The following CUX1 variants were observed in gnomAD, a reference collection of about 807,000 sequenced individuals.
The protein encoded by CUX1 is cut like homeobox 1.
CUX1 carries 31 observed loss-of-function variants against 158.8 expected under a neutral mutation model. The ratio of observed to expected loss-of-function variants is 0.20; its 90% CI spans 0.15 to 0.26. CUX1 has a LOEUF of 0.26. Ranked by LOEUF, CUX1 falls within the 10% of genes least tolerant of loss-of-function variation. CUX1 has a pLI of 1.00. For missense variants in CUX1, 1,589 were observed against 2,014.6 expected (o/e 0.79, Z 4.04); for synonymous variants, 879 against 862.1 (o/e 1.02, Z -0.34).
At chr7:101,980,701 G>C (rs116564578) in intron 2 of CUX1, among the ~76,000 whole-genome samples, 3,360 of 152,186 alleles carry the variant, frequency 0.022, 119 homozygotes, top group African/African-American at 0.072. Context: ...CTCTAGGCCA[G>C]CTTGTAACTG....
At chr7:102,026,981 G>A (rs1820111584) in intron 2 of CUX1, among the ~76,000 whole-genome samples, 1 of 152,070 alleles carries the variant, frequency 6.6e-6, no homozygotes, top group African/African-American at 2.4e-5. Context: ...GCACCTATGG[G>A]ATGTCCTGGT....
intron 2 of CUX1, among the ~76,000 whole-genome samples, chr7:102,026,065 G>C (rs1461765567): frequency 6.6e-6 from 1 of 152,178 alleles, no homozygotes; most frequent in Non-Finnish European, 1.5e-5. Context: ...TGTAGTCCCA[G>C]CTACTTGGGA....
intron 1 of CUX1, among the ~76,000 whole-genome samples, chr7:101,854,123 C>A (rs1342986000): frequency 6.6e-6 from 1 of 152,162 alleles, no homozygotes; most frequent in Non-Finnish European, 1.5e-5. Flanking sequence ...TTATACCTTT[C>A]TGTTCCAAAG....
intron 1 of CUX1, among the ~76,000 whole-genome samples, chr7:101,879,434 A>C (rs1263201807): frequency 6.6e-6 from 1 of 152,206 alleles, no homozygotes; most frequent in Non-Finnish European, 1.5e-5. Flanking sequence ...TAGCTCTTTA[A>C]AATAATGCAA....
rs66627422 is a variant in CUX1, at chr7:102,211,778, TAAAAAAAAA to T, written c.3130+6625_3130+6633del. Among the ~76,000 whole-genome samples, 199 of 77,482 alleles carry T rather than the reference TAAAAAAAAA, an allele frequency of 2.6e-3. 2 individuals carry two copies. Among genetic ancestry groups the T allele is most frequent in the African/African-American group, 8.4e-3 (179 of 21,398 alleles). 50.8% of individuals were successfully genotyped at this position (77,482 alleles called of 152,430 possible). The stretch of plus-strand genomic sequence containing the variant: ...AGGGTGACAAGAGTGAAACTCCATC[TAAAAAAAAA>T]AAAAAAAAAAAAAAAACTCAACCTG... On this transcript the variant is annotated intron_variant, in intron 20 of 23. Transcript: ENST00000292535.
chr7:102,036,193 C>T (rs185873384), intron 3 of CUX1, among the ~76,000 whole-genome samples: 6 of 152,028 alleles, frequency 3.9e-5, no homozygotes, highest in African/African-American at 9.6e-5. Flanking sequence ...TGACCTCAGG[C>T]GATCAGACTG....
Position 102,189,869 on chromosome 7 carries a change from G to A in CUX1, c.1074G>A (p.Leu358=), listed in dbSNP as rs1554516489. The A allele has an allele frequency of 6.2e-7, 1 of 1,614,250 alleles. No individual in the cohort carries two copies. The highest frequency in any genetic ancestry group is 1.1e-5 in the South Asian group (1 of 91,084). Residue 358 remains leucine (L), a splice_region_variant and synonymous_variant, in exon 12 of 24, where the codon CTG becomes CTA. Coordinates refer to ENST00000292535, the MANE Select transcript of CUX1 (RefSeq NM_181552.4). ...QADYEEVKKE[L]NILKSMEFAP... is the part of the protein sequence containing the mutation. ...ACTATGAAGAGGTGAAGAAAGAGCT[G>A]AAGTAAGTACGGAGAGCCCTGTGGC... is the stretch of plus-strand genomic sequence containing the variant.
chr7:102,200,283 C>T, intron 17 of CUX1, 111 bp downstream of exon 17: 1 of 806,624 alleles, frequency 1.2e-6, no homozygotes, highest in Non-Finnish European at 1.9e-6. Context: ...TAATGAATGC[C>T]TGTTCTCAAG....
chr7:102,190,697 C>G (rs1794180131), intron 12 of CUX1, among the ~76,000 whole-genome samples: 2 of 152,202 alleles, frequency 1.3e-5, no homozygotes, highest in South Asian at 4.1e-4. Context: ...GCGGCTGGAG[C>G]TCTGCTGGTT....
chr7:101,917,357 A>G (rs2970494), intron 2 of CUX1, among the ~76,000 whole-genome samples: 130,546 of 152,260 alleles, frequency 0.86, 56,447 homozygotes, highest in African/African-American at 0.94. Context: ...TAAATATTTT[A>G]GGAGAAAGCT....
chr7:102,238,646 G>A (rs373503674), intron 22 of CUX1, among the ~76,000 whole-genome samples: 7 of 152,090 alleles, frequency 4.6e-5, no homozygotes, highest in South Asian at 2.1e-4. Context: ...GTGGCTTGCC[G>A]CCCACACCCA....
intron 8 of CUX1, among the ~76,000 whole-genome samples, chr7:102,148,691 TTATATA>T (rs1180566580): frequency 1.1e-4 from 16 of 148,102 alleles, no homozygotes; most frequent in African/African-American, 3.9e-4. Context: ...AATGTATGTG[TTATATA>T]TATATAATAT....
intron 2 of CUX1, among the ~76,000 whole-genome samples, chr7:102,014,659 G>A (rs1251468498): frequency 6.6e-6 from 1 of 152,002 alleles, no homozygotes; most frequent in Admixed American, 6.6e-5. Context: ...TGCTAGGTTG[G>A]GATAATCCGT....
At chr7:102,275,612 C>T (rs1791548143) in intron 17 of CUX1, among the ~76,000 whole-genome samples, 1 of 152,100 alleles carries the variant, frequency 6.6e-6, no homozygotes, top group Admixed American at 6.6e-5. Context: ...CCAGGTGAAA[C>T]AAGTCGCCAG....
At chr7:102,238,060 C>T (rs938372980) in intron 22 of CUX1, among the ~76,000 whole-genome samples, 1 of 152,166 alleles carries the variant, frequency 6.6e-6, no homozygotes, top group African/African-American at 2.4e-5. Flanking sequence ...AACATGAAGG[C>T]AGACTAGGAG....
chr7:102,129,295 G>C (rs978945412), intron 8 of CUX1, among the ~76,000 whole-genome samples: 1 of 152,128 alleles, frequency 6.6e-6, no homozygotes, highest in Admixed American at 6.6e-5. Flanking sequence ...ATCTGCATCA[G>C]TCACCATTGA....
chr7:102,204,268 G>A, intron 18 of CUX1, 123 bp from the exon 19 acceptor site: 1 of 1,270,554 alleles, frequency 7.9e-7, no homozygotes, highest in Non-Finnish European at 1.1e-6. Context: ...CCAGGCCGTG[G>A]TTCTGTGCTC....
intron 1 of CUX1, among the ~76,000 whole-genome samples, chr7:101,836,296 G>C (rs1377178399): frequency 1.3e-5 from 2 of 152,096 alleles, no homozygotes; most frequent in Non-Finnish European, 2.9e-5. Flanking sequence ...TGGGGTGCAG[G>C]TGCTCCCCTG....
chr7:102,111,721 C>T lies in CUX1; in HGVS notation c.554C>T (p.Ser185Phe). The T allele has an allele frequency of 6.2e-7, 1 of 1,614,184 alleles. No individual in the cohort carries two copies. Among genetic ancestry groups the T allele is most frequent in the East Asian group, 2.2e-5 (1 of 44,878 alleles). ...AGAAAGCTGCAGGAGACACAGATGT[C>T]CACCACCTCAAAGCTGGAGGAAGCT... ...KERKLQETQMSTTSKLEEAEH... is the reference protein window; with the variant it reads ...KERKLQETQMFTTSKLEEAEH... The change falls in exon 7 of 24, where the codon TCC becomes TTC. Residue 185 changes from serine (S) to phenylalanine (F), a missense_variant. Around this residue, in one of 8 missense-constraint regions of CUX1, gnomAD observed 515 missense variants for 574.4 expected, o/e 0.90. Coordinates refer to ENST00000292535, the MANE Select transcript of CUX1 (RefSeq NM_181552.4).
Sources: allele counts gnomAD v4.1 joint callset (sites outside exome capture counted in the v4.1 genomes callset), GRCh38; gene constraint gnomAD v4.1.1; regional missense constraint gnomAD v4.1.1; transcripts MANE v1.5; gene names NCBI Gene and HGNC (gene_info 2026-07-23, HGNC 2026-07-21).